Variants in TTC6 observed in about 807,000 individuals in gnomAD.
TTC6 encodes tetratricopeptide repeat protein 6.
TTC6 carries 172 observed loss-of-function variants against 210.4 expected under a neutral mutation model. The observed-to-expected ratio is 0.82, with a 90% CI of 0.72 to 0.93. The LOEUF (loss-of-function observed/expected upper bound fraction) is 0.93, where lower values mean the gene tolerates loss of function less well. Ranked by LOEUF, TTC6 falls within the 40% of genes least tolerant of loss-of-function variation. The pLI, the probability that TTC6 is intolerant of heterozygous loss-of-function variation, is 0.00. For synonymous variants in TTC6, 804 were observed against 819.6 expected (o/e 0.98, Z 0.32); for missense variants, 2,414 against 2,318.1 (o/e 1.04, Z -0.85).
chr14:37,662,395 G>C (rs1029964068), intron 1 of TTC6, among the ~76,000 whole-genome samples: 3 of 152,064 alleles, frequency 2.0e-5, no homozygotes, highest in Non-Finnish European at 4.4e-5. Flanking sequence ...CCTTTTCTGC[G>C]TCTATTGAGA....
chr14:37,639,023 T>C (rs1420138080), intron 1 of TTC6, among the ~76,000 whole-genome samples: 7 of 152,212 alleles, frequency 4.6e-5, no homozygotes, highest in Non-Finnish European at 8.8e-5. Flanking sequence ...TACGTTTTTC[T>C]TTGTAAAAAT....
intron 1 of TTC6, among the ~76,000 whole-genome samples, chr14:37,599,390 C>G (rs1028797022): frequency 1.3e-5 from 2 of 152,230 alleles, no homozygotes; most frequent in Non-Finnish European, 2.9e-5. Flanking sequence ...TAACCCGTAA[C>G]GGGCCTCAAC....
At chr14:37,722,588 C>T (rs35110244) in intron 6 of TTC6, among the ~76,000 whole-genome samples, 8,656 of 152,238 alleles carry the variant, frequency 0.057, 377 homozygotes, top group Non-Finnish European at 0.089. Context: ...AATGGTCCTC[C>T]AGCCTTGGCC....
intron 3 of TTC6, among the ~76,000 whole-genome samples, chr14:37,696,273 A>C (rs572775723): frequency 6.6e-6 from 1 of 152,190 alleles, no homozygotes; most frequent in Admixed American, 6.5e-5. Flanking sequence ...AAATATCTTT[A>C]CATGAGTGAT....
At chr14:37,672,835 T>G (rs1335880228) in intron 1 of TTC6, among the ~76,000 whole-genome samples, 1 of 151,562 alleles carries the variant, frequency 6.6e-6, no homozygotes, top group African/African-American at 2.4e-5. Flanking sequence ...TTTTTTTTTT[T>G]TTTTTACTAA....
At chr14:37,735,301 T>C (rs941161007) in intron 7 of TTC6, among the ~76,000 whole-genome samples, 7 of 152,214 alleles carry the variant, frequency 4.6e-5, no homozygotes, top group Admixed American at 3.9e-4. Flanking sequence ...AGTAGTATGA[T>C]TTAATTAATC....
At chr14:37,737,900 T>G (rs2138935851) in intron 9 of TTC6, among the ~76,000 whole-genome samples, 166 bp downstream of exon 11, 1 of 152,082 alleles carries the variant, frequency 6.6e-6, no homozygotes, top group African/African-American at 2.4e-5. Context: ...TACAGTAAGT[T>G]GCAGATGGTC....
rs376093708 is a variant in TTC6, at chr14:37,801,104, A to G, written c.4030-3576A>G. On this transcript the variant is annotated intron_variant, in intron 20 of 30. Transcript: ENST00000553443. ...TAATCTTCCATTTTCCCCTTTTTAAACCAGAATATCTGTGGATATTATTCT... is the reference window on the plus strand; with the variant it reads ...TAATCTTCCATTTTCCCCTTTTTAAGCCAGAATATCTGTGGATATTATTCT... Among the ~76,000 whole-genome samples, 27 of 152,324 alleles carry G rather than the reference A, an allele frequency of 1.8e-4. No individual in the cohort carries two copies. The South Asian group carries it at 5.2e-3, about 29-fold the overall frequency.
At chr14:37,792,072 A>G (rs563976172) in intron 16 of TTC6, among the ~76,000 whole-genome samples, 192 bp from the exon 19 acceptor site, 40 of 152,164 alleles carry the variant, frequency 2.6e-4, no homozygotes, top group Non-Finnish European at 4.0e-4. Flanking sequence ...TTAATTCCTT[A>G]CTAAGGGTTT....
At chr14:37,839,628 C>T (rs1177934899) in intron 29 of TTC6, among the ~76,000 whole-genome samples, 1 of 152,178 alleles carries the variant, frequency 6.6e-6, no homozygotes, top group Non-Finnish European at 1.5e-5. Flanking sequence ...GTTTCTTTTG[C>T]TGTGAAGACA....
intron 24 of TTC6, among the ~76,000 whole-genome samples, chr14:37,811,215 A>G (rs1595299646): frequency 6.6e-6 from 1 of 152,204 alleles, no homozygotes; most frequent in East Asian, 1.9e-4. Context: ...CGAAGGCATC[A>G]TACTGGTTTC....
At chr14:37,616,910 T>A (rs1310633298) in intron 2 of TTC6, among the ~76,000 whole-genome samples, 1 of 152,192 alleles carries the variant, frequency 6.6e-6, no homozygotes, top group Non-Finnish European at 1.5e-5. Context: ...AGACAGAGTC[T>A]TTGTCACCCA....
intron 14 of TTC6, among the ~76,000 whole-genome samples, chr14:37,781,361 G>A (rs1179636380): frequency 2.0e-5 from 3 of 152,036 alleles, no homozygotes. Flanking sequence ...ATTTTGATTT[G>A]CATTTCTCTA....
chr14:37,813,199 A>AT (rs34648603), intron 25 of TTC6, among the ~76,000 whole-genome samples: 5 of 152,070 alleles, frequency 3.3e-5, no homozygotes, highest in African/African-American at 4.8e-5. Context: ...TTCTGGAGTC[A>AT]TTTTTTTGAG....
exon 30 of TTC6, chr14:37,841,656 A>C: frequency 1.9e-6 from 3 of 1,602,720 alleles, no homozygotes; most frequent in Non-Finnish European, 1.7e-6. Context: ...CTAGCTGAGG[A>C]AGACCTTAAT....
intron 22 of TTC6, 22 bp from the exon 25 acceptor site, chr14:37,807,298 T>C: frequency 6.8e-7 from 1 of 1,466,024 alleles, no homozygotes; most frequent in Non-Finnish European, 9.1e-7. Context: ...CATTCCTGCT[T>C]TCTCTCTCTC....
intron 14 of TTC6, among the ~76,000 whole-genome samples, chr14:37,754,743 CT>C (rs2095962483): frequency 6.6e-6 from 1 of 152,014 alleles, no homozygotes; most frequent in African/African-American, 2.4e-5. Flanking sequence ...TGGACTCCTT[CT>C]TTTTTATGGC....
intron 5 of TTC6, among the ~76,000 whole-genome samples, chr14:37,710,049 G>C (rs2095842213): frequency 1.3e-5 from 2 of 152,250 alleles, no homozygotes; most frequent in South Asian, 2.1e-4. Context: ...TAGAACCATT[G>C]CATGTGAGAT....
At chr14:37,629,005 G>A (rs1313532276) in intron 1 of TTC6, among the ~76,000 whole-genome samples, 2 of 152,122 alleles carry the variant, frequency 1.3e-5, no homozygotes, top group Non-Finnish European at 2.9e-5. Context: ...TTTGGTTATG[G>A]TAGCTGTGTA....
Sources: gnomAD v4.1 joint callset for allele counts (sites outside exome capture counted in the v4.1 genomes callset) on GRCh38, gnomAD v4.1.1 for gene constraint, MANE v1.5 for transcripts, NCBI Gene and HGNC (gene_info 2026-07-23, HGNC 2026-07-21) for gene names.